The following SH3GL3 variants were observed in gnomAD, a reference collection of about 807,000 sequenced individuals.
The protein encoded by SH3GL3 is endophilin-A3.
In SH3GL3, 33 loss-of-function variants were observed where a neutral mutation model predicts 47.7. The ratio of observed to expected loss-of-function variants is 0.69; its 90% confidence interval spans 0.52 to 0.92. The LOEUF (loss-of-function observed/expected upper bound fraction) is 0.92, where lower values mean the gene tolerates loss of function less well. Ranked by LOEUF, SH3GL3 falls within the 40% of genes least tolerant of loss-of-function variation. SH3GL3 has a pLI of 0.00. For missense variants in SH3GL3, 363 were observed against 417.8 expected (o/e 0.87, Z 1.14); for synonymous variants, 155 against 148.8 (o/e 1.04, Z -0.30).
intron 1 of SH3GL3, among the ~76,000 whole-genome samples, chr15:83,531,859 T>TGAGA (rs138338504): frequency 6.8e-6 from 1 of 148,002 alleles, no homozygotes; most frequent in South Asian, 2.1e-4. Context: ...AGAGACAGAA[T>TGAGA]GAGAGAGAGA....
intron 1 of SH3GL3, among the ~76,000 whole-genome samples, chr15:83,521,030 C>CT (rs2043180622): frequency 6.6e-6 from 1 of 152,180 alleles, no homozygotes; most frequent in Non-Finnish European, 1.5e-5. Flanking sequence ...GATCATGCAC[C>CT]TGGAATTCCT....
intron 1 of SH3GL3, among the ~76,000 whole-genome samples, chr15:83,496,993 C>T (rs1302977615): frequency 6.6e-6 from 1 of 152,124 alleles, no homozygotes; most frequent in Non-Finnish European, 1.5e-5. Flanking sequence ...CCTGCAAACC[C>T]CTCCCTCCAC....
chr15:83,529,993 C>T (rs893424382), intron 1 of SH3GL3, among the ~76,000 whole-genome samples: 1 of 152,126 alleles, frequency 6.6e-6, no homozygotes, highest in Non-Finnish European at 1.5e-5. Context: ...TGGTGTGGGA[C>T]TCTTGAGTGG....
At chr15:83,600,211 A>C (rs1419045639) in intron 8 of SH3GL3, among the ~76,000 whole-genome samples, 1 of 152,140 alleles carries the variant, frequency 6.6e-6, no homozygotes, top group Non-Finnish European at 1.5e-5. Flanking sequence ...CCAGCTATTT[A>C]TCTTTATTTT....
At chr15:83,468,031 C>T (rs1288366508) in intron 1 of SH3GL3, among the ~76,000 whole-genome samples, 1 of 152,126 alleles carries the variant, frequency 6.6e-6, no homozygotes, top group Non-Finnish European at 1.5e-5. Flanking sequence ...AGGGTTTCAC[C>T]ATGTTAGCCA....
chr15:83,479,414 C>T (rs560567490), intron 1 of SH3GL3, among the ~76,000 whole-genome samples: 5 of 151,968 alleles, frequency 3.3e-5, no homozygotes, highest in East Asian at 1.9e-4. Context: ...GGGAGAGTGA[C>T]GGGGAGGAGA....
At chr15:83,588,589 A>G in intron 7 of SH3GL3, 73 bp from the exon 8 acceptor site, 1 of 939,414 alleles carries the variant, frequency 1.1e-6, no homozygotes. Flanking sequence ...TGTGCTCAAC[A>G]AGGCAGAGAG....
intron 8 of SH3GL3, among the ~76,000 whole-genome samples, chr15:83,614,771 C>G (rs2060770039): frequency 6.6e-6 from 1 of 152,198 alleles, no homozygotes. Context: ...ATAGGCGCTA[C>G]TCCATGAATT....
downstream of SH3GL3, among the ~76,000 whole-genome samples, chr15:83,622,503 T>C (rs909798329): frequency 6.6e-6 from 1 of 152,246 alleles, no homozygotes; most frequent in Non-Finnish European, 1.5e-5. Flanking sequence ...GATTCAACTT[T>C]AATGATAACA....
At chr15:83,556,958 G>T (rs2044993060) in intron 1 of SH3GL3, among the ~76,000 whole-genome samples, 1 of 152,224 alleles carries the variant, frequency 6.6e-6, no homozygotes, top group Admixed American at 6.5e-5. Context: ...CCCAGACTTG[G>T]TCAGGTGGAA....
intron 1 of SH3GL3, among the ~76,000 whole-genome samples, chr15:83,529,002 G>A (rs1381728665): frequency 1.3e-5 from 2 of 152,146 alleles, no homozygotes; most frequent in African/African-American, 2.4e-5. Context: ...TGATGGTTAG[G>A]TATAGTGCCT....
intron 8 of SH3GL3, among the ~76,000 whole-genome samples, chr15:83,600,581 T>G (rs909762340): frequency 1.3e-5 from 2 of 152,244 alleles, no homozygotes; most frequent in Non-Finnish European, 2.9e-5. Flanking sequence ...CATGCTGTTT[T>G]GGTGACTGTG....
chr15:83,508,385 T>G (rs1305404344), intron 1 of SH3GL3, among the ~76,000 whole-genome samples: 1 of 152,002 alleles, frequency 6.6e-6, no homozygotes, highest in Non-Finnish European at 1.5e-5. Context: ...GCAAAGGCCT[T>G]AGAAACACGC....
intron 1 of SH3GL3, among the ~76,000 whole-genome samples, chr15:83,457,275 A>AC (rs1416301387): frequency 6.6e-6 from 1 of 152,154 alleles, no homozygotes; most frequent in African/African-American, 2.4e-5. Context: ...CCCAAGACTA[A>AC]CCATCTACTG....
intron 8 of SH3GL3, among the ~76,000 whole-genome samples, chr15:83,596,549 C>T (rs1311723909): frequency 2.6e-5 from 4 of 152,220 alleles, no homozygotes; most frequent in Non-Finnish European, 5.9e-5. Flanking sequence ...AAGTTGGCTA[C>T]ATTCCCTTCC....
intron 5 of SH3GL3, 31 bp downstream of exon 5, chr15:83,572,729 T>C (rs1182387830): frequency 1.3e-5 from 20 of 1,496,938 alleles, no homozygotes; most frequent in Non-Finnish European, 1.8e-5. Context: ...ATATACCTGT[T>C]GCTACATAAG....
chr15:83,617,751 GAGA>G (rs1460245205), intron 8 of SH3GL3, among the ~76,000 whole-genome samples: 2 of 152,222 alleles, frequency 1.3e-5, no homozygotes, highest in African/African-American at 4.8e-5. Flanking sequence ...AGCTCCCAGA[GAGA>G]AGGAGGTGGG....
intron 1 of SH3GL3, among the ~76,000 whole-genome samples, chr15:83,453,489 G>A (rs1185834716): frequency 7.0e-6 from 1 of 143,784 alleles, no homozygotes; most frequent in East Asian, 2.1e-4. Flanking sequence ...TTCAGAGCCT[G>A]TTATTGGTCT....
intron 1 of SH3GL3, among the ~76,000 whole-genome samples, chr15:83,476,957 A>G (rs538875524): frequency 1.3e-5 from 2 of 152,338 alleles, no homozygotes; most frequent in Admixed American, 6.5e-5. Context: ...CCAATGCTCA[A>G]CAGTTCTTTT....
Sources: allele counts gnomAD v4.1 joint callset (sites outside exome capture counted in the v4.1 genomes callset), GRCh38; gene constraint gnomAD v4.1.1; transcripts MANE v1.5; gene names NCBI Gene and HGNC (gene_info 2026-07-23, HGNC 2026-07-21).